GPR137: variants seen among roughly 807,000 people sequenced by gnomAD.
GPR137 encodes the protein integral membrane protein GPR137.
Under a neutral mutation model 38.9 loss-of-function variants are expected in GPR137, and 20 were observed. That is an observed-to-expected ratio of 0.51 (90% CI 0.36 to 0.75). The LOEUF is 0.75. Ranked by LOEUF, GPR137 falls within the 30% of genes least tolerant of loss-of-function variation. The pLI is 0.00. For missense variants in GPR137, 456 were observed against 526.4 expected, an observed-to-expected ratio of 0.87 and a Z score of 1.31; for synonymous variants, 226 against 235.8, an observed-to-expected ratio of 0.96 and a Z score of 0.38.
chr11:64,282,514 C>G (rs1034543179), upstream of GPR137, among the ~76,000 whole-genome samples: 2 of 149,740 alleles, frequency 1.3e-5, no homozygotes, highest in Non-Finnish European at 3.0e-5. Flanking sequence ...GCAGGAGGAT[C>G]GTTTGAGCCC....
At position 64,286,301 on chromosome 11, in the gene GPR137, C is replaced by G. The variant is rs750673324; in HGVS notation, c.-224C>G. 6 of 1,399,870 alleles carry G rather than the reference C, an allele frequency of 4.3e-6. No homozygotes were observed. The highest frequency in any genetic ancestry group is 3.7e-6 in the Non-Finnish European group (4 of 1,082,356). 86.7% of individuals were successfully genotyped at this position (1,399,870 alleles called of 1,614,324 possible). A position where few individuals can be genotyped will look rare whatever the true frequency, so the allele number is the denominator to read the frequency against. On this transcript the variant is annotated 5_prime_UTR_variant, in exon 1 of 7. Transcript: ENST00000438980. ...GTCCTGGAGAAAAGAGACTGCCCTT[C>G]CATGCCCCTGAGTGAGGGGCCTGGG...
chr11:64,288,786 C>T lies in GPR137; in HGVS notation c.1031+65C>T, dbSNP rs1163063548. 1 of 1,455,730 alleles carries T rather than the reference C, an allele frequency of 6.9e-7. No homozygotes were observed. The highest frequency in any genetic ancestry group is 9.1e-7 in the Non-Finnish European group (1 of 1,102,376). The allele number at this position is 1,455,730 out of a possible 1,614,324, so 90.2% of individuals were successfully genotyped here. A position where few individuals can be genotyped will look rare whatever the true frequency, so the allele number is the denominator to read the frequency against. On this transcript the variant is annotated intron_variant, in intron 6 of 6. Coordinates refer to ENST00000438980, the MANE Select transcript of GPR137 (RefSeq NM_001170880.2). The surrounding 1 kb of genome is among the most constrained non-coding windows in gnomAD (Gnocchi z 5.5). The stretch of plus-strand genomic sequence containing the variant: ...CGCCCACCCCGCTGGCTCCATCAAG[C>T]TATGGGGGACCGAGATAGCCGGGTC...
upstream of GPR137, chr11:64,285,005 T>C: frequency 1.6e-6 from 2 of 1,249,940 alleles, no homozygotes; most frequent in Middle Eastern, 3.0e-4. Flanking sequence ...CCCAGTGAAG[T>C]GGGGATAGTG....
rs368868985 is a variant in GPR137 at position 64,288,739 on chromosome 11, G to A, written c.1031+18G>A. Reference sequence around the variant, plus strand: ...AGCACCAGGTAGGAGCCGTGGCACTGCCTCAGTACCCCTGCCCTACCCGCC... The same window carrying A: ...AGCACCAGGTAGGAGCCGTGGCACTACCTCAGTACCCCTGCCCTACCCGCC... On this transcript the variant is annotated intron_variant, in intron 6 of 6. Coordinates refer to ENST00000438980, the MANE Select transcript of GPR137 (RefSeq NM_001170880.2). This position sits in a 1 kb window ranked among gnomAD's most constrained non-coding sequence, Gnocchi z 5.5. 2.6e-6 allele frequency: 4 copies of A among 1,525,898 alleles called. No homozygotes were observed. In the African/African-American group the frequency reaches 5.5e-5, roughly 21 times the overall value. The allele number at this position is 1,525,898 out of a possible 1,614,324, so 94.5% of individuals were successfully genotyped here.
chr11:64,284,753 A>C (rs2033753440), upstream of GPR137: 3 of 1,535,076 alleles, frequency 2.0e-6, no homozygotes, highest in Non-Finnish European at 2.6e-6. Context: ...ACCTCTCGGA[A>C]CGTCACTCGG....
chr11:64,271,467 T>C (rs1291568192), upstream of GPR137: 5 of 801,802 alleles, frequency 6.2e-6, no homozygotes, highest in Middle Eastern at 4.1e-4. Flanking sequence ...AATCCCAGAA[T>C]GCTCTGGAGC....
At chr11:64,271,679 G>C (rs781162957), upstream of GPR137, 1 of 1,489,656 alleles carries the variant, frequency 6.7e-7, no homozygotes, top group East Asian at 2.7e-5. Context: ...GTGCTGCCCA[G>C]AGGTTGGGGG....
intron 2 of GPR137, chr11:64,276,712 T>C (rs973508296): frequency 3.6e-6 from 2 of 559,324 alleles, no homozygotes; most frequent in Non-Finnish European, 6.3e-6. Context: ...AGGAGAGGGC[T>C]GGGGCAGGGC....
upstream of GPR137, among the ~76,000 whole-genome samples, chr11:64,282,399 C>T (rs1221930610): frequency 6.6e-6 from 1 of 151,400 alleles, no homozygotes; most frequent in Non-Finnish European, 1.5e-5. Flanking sequence ...CCCAGGAATT[C>T]GAGACAAGAC....
rs763962819 is a variant in GPR137 at position 64,288,011 on chromosome 11, G to A, written c.634-54G>A. 2 of 1,603,754 alleles carry A rather than the reference G, an allele frequency of 1.2e-6. No individual in the cohort carries two copies. The highest frequency in any genetic ancestry group is 3.3e-5 in the Admixed American group (2 of 60,010). On this transcript the variant is annotated intron_variant, in intron 3 of 6. Coordinates refer to ENST00000438980, the MANE Select transcript of GPR137 (RefSeq NM_001170880.2). This position sits in a 1 kb window ranked among gnomAD's most constrained non-coding sequence, Gnocchi z 5.5. ...TCTCGGCAGCGGTTCTCAGGGTGTA[G>A]AGGAAGCTGGGAGCCTTCTCTCCCT...
upstream of GPR137, chr11:64,284,045 A>G: frequency 9.4e-7 from 1 of 1,062,714 alleles, no homozygotes; most frequent in South Asian, 1.7e-5. Context: ...TTGCTGTTTT[A>G]CGAAAGAGGA....
In GPR137 at chr11:64,288,151, G is replaced by T; in HGVS notation, c.720G>T (p.Leu240=). The part of the protein sequence containing the change: ...ASRACYNLTA[L]ALAPQSRLDT... ...GGGCCTGCTACAACCTGACAGCACT[G>T]GCCTTGGCCCCCCAGAGCCGGCTGG... The change falls in exon 4 of 7, where the codon CTG becomes CTT. Residue 240 remains leucine, a synonymous_variant. Coordinates refer to ENST00000438980, the MANE Select transcript of GPR137 (RefSeq NM_001170880.2). This position sits in a 1 kb window ranked among gnomAD's most constrained non-coding sequence, Gnocchi z 5.5. 6.2e-7 allele frequency: 1 copy of T among 1,613,086 alleles called. No homozygotes were observed. Among genetic ancestry groups the T allele is most frequent in the Non-Finnish European group, 8.5e-7 (1 of 1,179,996 alleles).
chr11:64,287,260 A>T, intron 2 of GPR137: 2 of 985,346 alleles, frequency 2.0e-6, no homozygotes, highest in Non-Finnish European at 2.4e-6. Flanking sequence ...TCCACCATGG[A>T]GGGCGAGCTG....
chr11:64,271,876 T>C, upstream of GPR137: 2 of 1,230,620 alleles, frequency 1.6e-6, no homozygotes, highest in Non-Finnish European at 2.1e-6. Flanking sequence ...GCCTGAACCC[T>C]CCCCATCAGC....
upstream of GPR137, among the ~76,000 whole-genome samples, chr11:64,274,566 T>A (rs2032905514): frequency 6.6e-6 from 1 of 152,040 alleles, no homozygotes; most frequent in Non-Finnish European, 1.5e-5. Flanking sequence ...CTCACGCCTG[T>A]AATCCCAGCA....
At chr11:64,272,656 C>G (rs1467923799), upstream of GPR137, 1 of 152,248 alleles carries the variant, frequency 6.6e-6, no homozygotes, top group Admixed American at 6.5e-5. Flanking sequence ...CCTAACCACC[C>G]TGGGAGGTGA....
Position 64,289,439 on chromosome 11 carries a change from G to T in GPR137, c.*243G>T. 6.6e-7 allele frequency: 1 copy of T among 1,516,546 alleles called. No homozygotes were observed. Among genetic ancestry groups the T allele is most frequent in the Non-Finnish European group, 8.8e-7 (1 of 1,136,912 alleles). 93.9% of individuals were successfully genotyped at this position (1,516,546 alleles called of 1,614,324 possible). ...GACCTGCCACCTCTGCTTCCACACCGGAGCCAGCTACCTCTCCTGTGCCTG... is the reference window on the plus strand; with the variant it reads ...GACCTGCCACCTCTGCTTCCACACCTGAGCCAGCTACCTCTCCTGTGCCTG... On this transcript the variant is annotated 3_prime_UTR_variant, in exon 7 of 7. Coordinates refer to ENST00000438980, the MANE Select transcript of GPR137 (RefSeq NM_001170880.2).
At chr11:64,285,682 C>T, upstream of GPR137, 2 of 985,152 alleles carry the variant, frequency 2.0e-6, no homozygotes, top group Non-Finnish European at 1.2e-6. Context: ...AACTCGGCCG[C>T]CCTCCTGCCG....
chr11:64,279,012 C>A (rs2033250709), intron 2 of GPR137, among the ~76,000 whole-genome samples: 1 of 152,218 alleles, frequency 6.6e-6, no homozygotes, highest in East Asian at 1.9e-4. Flanking sequence ...GCCCTCTTTC[C>A]TACGGGTCTG....
Sources: gnomAD v4.1 joint callset for allele counts (sites outside exome capture counted in the v4.1 genomes callset) on GRCh38, gnomAD v4.1.1 for gene constraint, Gnocchi (gnomAD v3.1) non-coding constraint, MANE v1.5 for transcripts, NCBI Gene and HGNC (gene_info 2026-07-23, HGNC 2026-07-21) for gene names.